IQANK1: variants seen among roughly 807,000 people sequenced by gnomAD.
The protein encoded by IQANK1 is IQ motif and ankyrin repeat domain-containing protein 1.
A neutral mutation model predicts 22.6 loss-of-function variants in IQANK1; 30 were observed. The ratio of observed to expected loss-of-function variants is 1.33; its 90% CI spans 0.99 to 1.80. IQANK1 has a LOEUF of 1.80. Ranked by LOEUF, IQANK1 falls within the 40% of genes most tolerant of loss-of-function variation. The pLI, the probability that IQANK1 is intolerant of heterozygous loss-of-function variation, is 0.00. For synonymous variants in IQANK1, 122 were observed against 99.6 expected (o/e 1.23, Z -1.34); for missense variants, 275 against 235.2 (o/e 1.17, Z -1.11).
chr8:143,764,453 A>G (rs1319904163), intron 3 of IQANK1, among the ~76,000 whole-genome samples: 1 of 148,838 alleles, frequency 6.7e-6, no homozygotes, highest in Non-Finnish European at 1.5e-5. Flanking sequence ...CGTCGCTACA[A>G]AAAAAAAAAA....
intron 7 of IQANK1, among the ~76,000 whole-genome samples, chr8:143,775,787 TACACACACACACAC>T (rs35665050): frequency 9.3e-5 from 12 of 129,432 alleles, no homozygotes; most frequent in Admixed American, 3.0e-4. Context: ...ATAGCTGTAT[TACACACACACACAC>T]ACACACACAC....
intron 3 of IQANK1, among the ~76,000 whole-genome samples, chr8:143,749,405 TATC>T (rs563372893): frequency 0.011 from 1,406 of 131,368 alleles, 28 homozygotes; most frequent in African/African-American, 0.04. Flanking sequence ...TTATATATCA[TATC>T]ATATATAATA....
chr8:143,751,664 G>GTGTGTGTGTATATATATATATATA (rs370428606), intron 3 of IQANK1, among the ~76,000 whole-genome samples: 1 of 61,550 alleles, frequency 1.6e-5, no homozygotes, highest in South Asian at 7.0e-4. Context: ...GTGTGTGTGT[G>GTGTGTGTGTATATATATATATATA]TATATATATA....
intron 3 of IQANK1, among the ~76,000 whole-genome samples, chr8:143,751,438 C>T (rs1554628012): frequency 1.3e-5 from 2 of 151,350 alleles, no homozygotes; most frequent in Non-Finnish European, 3.0e-5. Context: ...ATGGTGAAAC[C>T]CCGTCTCTAC....
In IQANK1 at chr8:143,743,822, C is replaced by T. The variant is rs1452478945; in HGVS notation, c.175+3874C>T. ...TTTCATATATTGTAGTTTTTAGTTT[C>T]TGAATACTTATTGGATTCTTTTTCT... On this transcript the variant is annotated intron_variant, in intron 3 of 13. Transcript: ENST00000527139. The T allele has an allele frequency of 3.5e-5, 15 of 425,538 alleles. No individual in the cohort carries two copies. In the Admixed American group the frequency reaches 4.2e-4, roughly 12 times the overall value. 26.4% of individuals were successfully genotyped at this position (425,538 alleles called of 1,614,324 possible).
intron 3 of IQANK1, among the ~76,000 whole-genome samples, chr8:143,740,442 C>T (rs11988497): frequency 6.6e-6 from 1 of 152,228 alleles, no homozygotes; most frequent in African/African-American, 2.4e-5. Context: ...CCCGATACCG[C>T]CCTGAGGCTC....
At chr8:143,738,093 G>A (rs1554625936) in intron 2 of IQANK1, among the ~76,000 whole-genome samples, 1 of 152,150 alleles carries the variant, frequency 6.6e-6, no homozygotes, top group African/African-American at 2.4e-5. Flanking sequence ...TGCCCTGTAG[G>A]GGCCACCCCC....
intron 3 of IQANK1, chr8:143,742,786 G>A (rs1377015885): frequency 4.4e-6 from 2 of 455,976 alleles, no homozygotes; most frequent in African/African-American, 2.0e-5. Context: ...CAAGCAGCCT[G>A]GCTACTTTCA....
At chr8:143,753,225 G>A (rs544013115) in intron 3 of IQANK1, among the ~76,000 whole-genome samples, 117 of 151,958 alleles carry the variant, frequency 7.7e-4, no homozygotes, top group African/African-American at 2.8e-3. Context: ...TGTTGCCCAG[G>A]CTGGTCTTCA....
chr8:143,786,849 G>C (rs571546099), intron 7 of IQANK1, among the ~76,000 whole-genome samples: 128 of 152,332 alleles, frequency 8.4e-4, no homozygotes, highest in African/African-American at 2.9e-3. Context: ...CCAGACAGGA[G>C]GACTGGCCAG....
At chr8:143,789,137 C>T (rs1434735101) in intron 8 of IQANK1, 52 bp from the exon 9 acceptor site, 2 of 400,772 alleles carry the variant, frequency 5.0e-6, no homozygotes, top group East Asian at 3.6e-5. Context: ...GCAGGGGGTG[C>T]TGGTGGGGGC....
Position 143,790,390 on chromosome 8 carries a change from C to A in IQANK1, c.1465C>A (p.Leu489Met). The change falls in exon 14 of 14, where the codon CTG (leucine) becomes ATG (methionine). Residue 489 changes from leucine (L) to methionine (M), a missense_variant. Physicochemically the swap from Leu to Met is conservative, Grantham distance 15. Coordinates refer to ENST00000527139, the MANE Select transcript of IQANK1 (RefSeq NM_001381874.1). Reference protein sequence around the residue: ...PLVFDLREEDLFPVVQRQLEA... With the variant: ...PLVFDLREEDMFPVVQRQLEA... ...GGTGTTCGACCTGCGAGAGGAAGAC[C>A]TGTTCCCAGTCGTGCAGCGGCAGCT... is the stretch of plus-strand genomic sequence containing the variant. The A allele has an allele frequency of 1.1e-6, 1 of 929,478 alleles. No homozygotes were observed. The highest frequency in any genetic ancestry group is 1.4e-6 in the Non-Finnish European group (1 of 712,700). The allele number at this position is 929,478 out of a possible 1,614,324, so 57.6% of individuals were successfully genotyped here. A position where few individuals can be genotyped will look rare whatever the true frequency, so the allele number is the denominator to read the frequency against.
At chr8:143,739,819 GTC>G (rs1563766774) in intron 2 of IQANK1, 38 bp from the exon 3 acceptor site, 2 of 678,452 alleles carry the variant, frequency 2.9e-6, no homozygotes, top group Admixed American at 4.2e-5. Flanking sequence ...GGGGATGGGG[GTC>G]TCTCATCCCA....
In IQANK1 at chr8:143,738,103, C is replaced by T. The variant is rs145486468; in HGVS notation, c.86-1756C>T. On this transcript the variant is annotated intron_variant, in intron 2 of 13. Transcript: ENST00000527139. ...TCACGTGCCCTGTAGGGGCCACCCC[C>T]GCTTCACCCTGAGGGCCCCCTGGGG... is the stretch of plus-strand genomic sequence containing the variant. 9.2e-3 allele frequency among the ~76,000 whole-genome samples: 1,401 copies of T among 152,276 alleles called. 19 individuals are homozygous for T. Among genetic ancestry groups the T allele is most frequent in the Non-Finnish European group, 0.011 (738 of 67,992 alleles).
chr8:143,748,242 G>C (rs1020281615), intron 3 of IQANK1, among the ~76,000 whole-genome samples: 1 of 151,262 alleles, frequency 6.6e-6, no homozygotes, highest in African/African-American at 2.4e-5. Context: ...TGATCTACCC[G>C]ACTTGGCTTC....
At chr8:143,777,288 C>T (rs60893857) in intron 7 of IQANK1, among the ~76,000 whole-genome samples, 1 of 151,670 alleles carries the variant, frequency 6.6e-6, no homozygotes, top group African/African-American at 2.4e-5. Flanking sequence ...AGCTGAGGTG[C>T]GTAGATCACC....
At chr8:143,787,100 C>T (rs1282579365) in intron 7 of IQANK1, among the ~76,000 whole-genome samples, 2 of 152,190 alleles carry the variant, frequency 1.3e-5, no homozygotes, top group Non-Finnish European at 1.5e-5. Flanking sequence ...AGCCTGAAGG[C>T]TTTTGTAGCC....
At chr8:143,757,347 T>C (rs1447789493) in intron 3 of IQANK1, among the ~76,000 whole-genome samples, 1 of 151,856 alleles carries the variant, frequency 6.6e-6, no homozygotes, top group East Asian at 1.9e-4. Context: ...TTCTTTTTTT[T>C]TTTTTTTGAG....
intron 3 of IQANK1, among the ~76,000 whole-genome samples, chr8:143,761,609 A>G (rs1418475910): frequency 6.6e-6 from 1 of 152,038 alleles, no homozygotes; most frequent in East Asian, 1.9e-4. Flanking sequence ...AGCTCTACCA[A>G]AACCATTTTT....
Sources: gnomAD v4.1 joint callset for allele counts (sites outside exome capture counted in the v4.1 genomes callset) on GRCh38, gnomAD v4.1.1 for gene constraint, MANE v1.5 for transcripts, NCBI Gene and HGNC (gene_info 2026-07-23, HGNC 2026-07-21) for gene names.